Variants in CALN1 observed in about 807,000 individuals in gnomAD.
CALN1 encodes the protein calneuron 1, also known as calcium-binding protein 8.
In CALN1, 17 loss-of-function variants were observed where a neutral mutation model predicts 30.6. That is an observed-to-expected ratio of 0.56 (90% CI 0.38 to 0.83). The LOEUF is 0.83. Ranked by LOEUF, CALN1 falls within the 40% of genes least tolerant of loss-of-function variation. The pLI, the probability that CALN1 is intolerant of heterozygous loss-of-function variation, is 0.00. For missense variants in CALN1, 291 were observed against 354.9 expected, an observed-to-expected ratio of 0.82 and a Z score of 1.45; for synonymous variants, 156 against 131.4, an observed-to-expected ratio of 1.19 and a Z score of -1.28.
At chr7:72,434,784 A>G (rs551203242) in intron 1 of CALN1, among the ~76,000 whole-genome samples, 2 of 152,210 alleles carry the variant, frequency 1.3e-5, no homozygotes, top group Admixed American at 6.5e-5. Flanking sequence ...CTCCCCACAG[A>G]GCAGAACAGC....
At chr7:72,140,625 G>T (rs1809858362) in intron 3 of CALN1, among the ~76,000 whole-genome samples, 1 of 152,220 alleles carries the variant, frequency 6.6e-6, no homozygotes, top group African/African-American at 2.4e-5. Context: ...GGCCTATGTG[G>T]CCTATGTCTG....
intron 6 of CALN1, among the ~76,000 whole-genome samples, chr7:71,799,455 TTAGTTAGTTAGTTAGTTAG>T (rs1787175476): frequency 9.8e-6 from 1 of 102,214 alleles, no homozygotes; most frequent in African/African-American, 4.1e-5. Flanking sequence ...ATTTATTTAG[TTAGTTAGTTAGTTAGTTAG>T]TTAGTTTTTG....
chr7:72,435,454 G>A (rs917663931), intron 1 of CALN1, among the ~76,000 whole-genome samples: 3 of 152,144 alleles, frequency 2.0e-5, no homozygotes, highest in East Asian at 3.9e-4. Context: ...CTGGAGAAAC[G>A]CAAGGCCCCA....
chr7:72,299,621 G>T (rs1354207017), intron 2 of CALN1, among the ~76,000 whole-genome samples: 1 of 149,478 alleles, frequency 6.7e-6, no homozygotes, highest in Non-Finnish European at 1.5e-5. Context: ...AATTAATAAA[G>T]TATGCAAAAA....
At position 72,275,638 on chromosome 7, in the gene CALN1, A is replaced by T. The variant is rs530978016; in HGVS notation, c.244+3048T>A. 2.0e-5 allele frequency among the ~76,000 whole-genome samples: 3 copies of T among 152,260 alleles called. No individual in the cohort carries two copies. In the South Asian group the frequency reaches 6.2e-4, roughly 32 times the overall value. On this transcript the variant is annotated intron_variant, in intron 3 of 6. Coordinates refer to ENST00000395275, the MANE Select transcript of CALN1 (RefSeq NM_031468.4). ...ACAAACACAGCATCTTCACCAGCCA[A>T]TCTCGGGACTTTATAAAGCCCCCAC...
At chr7:72,265,775 A>C (rs1238371357) in intron 3 of CALN1, among the ~76,000 whole-genome samples, 1 of 152,044 alleles carries the variant, frequency 6.6e-6, no homozygotes, top group African/African-American at 2.4e-5. Context: ...CAGGGTTCTT[A>C]GAAATAAGAA....
At chr7:72,053,999 T>A (rs1037933893) in intron 4 of CALN1, among the ~76,000 whole-genome samples, 1 of 152,202 alleles carries the variant, frequency 6.6e-6, no homozygotes, top group African/African-American at 2.4e-5. Flanking sequence ...TAGTATTCCA[T>A]CGTATATATA....
At chr7:72,049,464 G>T (rs368544738) in intron 4 of CALN1, among the ~76,000 whole-genome samples, 46 of 152,166 alleles carry the variant, frequency 3.0e-4, no homozygotes, top group African/African-American at 1.0e-3. Flanking sequence ...TGAACTATAG[G>T]GCAGGCACAT....
intron 5 of CALN1, among the ~76,000 whole-genome samples, chr7:71,943,708 T>C (rs759130689): frequency 3.9e-5 from 6 of 152,106 alleles, no homozygotes; most frequent in East Asian, 1.9e-4. Flanking sequence ...TCCCAAAGTG[T>C]TGGGATTACA....
At chr7:71,799,453 AG>A (rs1453509953) in intron 6 of CALN1, among the ~76,000 whole-genome samples, 3,681 of 111,490 alleles carry the variant, frequency 0.033, 145 homozygotes, top group African/African-American at 0.13. Flanking sequence ...TTATTTATTT[AG>A]TTAGTTAGTT....
intron 4 of CALN1, among the ~76,000 whole-genome samples, chr7:72,044,599 C>CTT (rs549079139): frequency 0.01 from 996 of 96,638 alleles, 71 homozygotes; most frequent in East Asian, 0.02. Flanking sequence ...CCGCTTAAAA[C>CTT]TTTTTTTTTT....
chr7:72,209,685 C>T (rs1792252710), intron 3 of CALN1, among the ~76,000 whole-genome samples: 1 of 152,140 alleles, frequency 6.6e-6, no homozygotes, highest in South Asian at 2.1e-4. Context: ...ACCCTCTCTA[C>T]ACTTTGGCTA....
intron 5 of CALN1, among the ~76,000 whole-genome samples, chr7:71,883,682 C>A (rs968774478): frequency 1.3e-5 from 2 of 152,102 alleles, no homozygotes; most frequent in African/African-American, 4.8e-5. Context: ...AGAGCAGGTG[C>A]TTACTGTAAA....
intron 4 of CALN1, among the ~76,000 whole-genome samples, chr7:72,034,407 G>A (rs949503989): frequency 1.3e-5 from 2 of 151,584 alleles, no homozygotes; most frequent in African/African-American, 2.4e-5. Flanking sequence ...AAGAAGTCAG[G>A]AGGAGGACGT....
intron 5 of CALN1, among the ~76,000 whole-genome samples, chr7:71,902,384 GAGTA>G (rs1793908289): frequency 6.6e-6 from 1 of 151,944 alleles, no homozygotes. Context: ...ACACCAGTCA[GAGTA>G]ACTATTATTA....
chr7:71,841,088 TAACA>T (rs1280294513), intron 5 of CALN1, among the ~76,000 whole-genome samples: 2 of 152,148 alleles, frequency 1.3e-5, no homozygotes, highest in Admixed American at 6.5e-5. Context: ...CTGAGTTAGG[TAACA>T]AACAGAGGCT....
intron 5 of CALN1, among the ~76,000 whole-genome samples, chr7:71,900,892 CTG>C (rs1178251273): frequency 1.3e-5 from 2 of 152,218 alleles, no homozygotes; most frequent in East Asian, 3.8e-4. Context: ...TGTACAGTAA[CTG>C]TGCACGTGGG....
chr7:71,894,636 C>A (rs1053731650), intron 5 of CALN1, among the ~76,000 whole-genome samples: 3 of 152,140 alleles, frequency 2.0e-5, no homozygotes, highest in Non-Finnish European at 4.4e-5. Flanking sequence ...TAGAATATAT[C>A]TGCCATTTCA....
chr7:71,882,201 T>C (rs1402779612), intron 5 of CALN1, among the ~76,000 whole-genome samples: 2 of 152,234 alleles, frequency 1.3e-5, no homozygotes, highest in African/African-American at 4.8e-5. Context: ...CCTTGGCTCA[T>C]GGGCCCATCC....
Sources: allele counts gnomAD v4.1 joint callset (sites outside exome capture counted in the v4.1 genomes callset), GRCh38; gene constraint gnomAD v4.1.1; transcripts MANE v1.5; gene names NCBI Gene and HGNC (gene_info 2026-07-23, HGNC 2026-07-21).